PIK3CD: variants seen among roughly 807,000 people sequenced by gnomAD.
PIK3CD encodes phosphatidylinositol 4,5-bisphosphate 3-kinase catalytic subunit delta isoform.
Under a neutral mutation model 122.9 loss-of-function variants are expected in PIK3CD, and 20 were observed. The ratio of observed to expected loss-of-function variants is 0.16; its 90% confidence interval spans 0.11 to 0.24. The LOEUF (loss-of-function observed/expected upper bound fraction) is 0.24. PIK3CD is among the 10% of genes least tolerant of loss of function. The probability of loss-of-function intolerance (pLI) is 1.00; values close to 1 mark genes in which losing one functional copy is unlikely to be tolerated. For missense variants in PIK3CD, 787 were observed against 1,406.3 expected, an observed-to-expected ratio of 0.56 and a Z score of 7.04; for synonymous variants, 596 against 593.4, an observed-to-expected ratio of 1.00 and a Z score of -0.06.
At chr1:9,656,941 T>C (rs375139102) in intron 1 of PIK3CD, among the ~76,000 whole-genome samples, 32 of 38,278 alleles carry the variant, frequency 8.4e-4, no homozygotes, top group African/African-American at 2.8e-3. Flanking sequence ...AGACTCCATC[T>C]CAAAAAAAAA....
In PIK3CD at chr1:9,718,498, A is replaced by T. The variant is rs1295082056; in HGVS notation, c.1021-196A>T. Among the ~76,000 whole-genome samples the T allele has an allele frequency of 2.0e-5, 3 of 152,060 alleles. No homozygotes were observed. The highest frequency in any genetic ancestry group is 7.2e-5 in the African/African-American group (3 of 41,400). On this transcript the variant is annotated intron_variant, in intron 8 of 23. Coordinates refer to ENST00000377346, the MANE Select transcript of PIK3CD (RefSeq NM_005026.5). The surrounding 1 kb of genome is among the most constrained non-coding windows in gnomAD (Gnocchi z 7.2). ...TAGCTGAGACAGGGCACCCATGCAC[A>T]GCCCGTGGTACCCTCCCTCACCCCA...
At chr1:9,633,063 A>G in the PIK3CD span, among the ~76,000 whole-genome samples, 2 of 151,828 alleles carry the variant, frequency 1.3e-5, no homozygotes, top group Non-Finnish European at 2.9e-5. Flanking sequence ...AGGTTTCACC[A>G]TGTTAGCCAG....
Position 9,723,331 on chromosome 1 carries a change from C to A in PIK3CD, c.2594+39C>A. 6.2e-7 allele frequency: 1 copy of A among 1,607,878 alleles called. No individual in the cohort carries two copies. The highest frequency in any genetic ancestry group is 1.1e-5 in the South Asian group (1 of 90,938). On this transcript the variant is annotated intron_variant, in intron 20 of 23. Coordinates refer to ENST00000377346, the MANE Select transcript of PIK3CD (RefSeq NM_005026.5). The surrounding 1 kb of genome is among the most constrained non-coding windows in gnomAD (Gnocchi z 4.9). ...CCAGGGATAGGTTCCCTCTCCTTTC[C>A]AAGAGGTGTGGAGTGGGAGGGCCTC...
chr1:9,720,437 C>A lies in PIK3CD; in HGVS notation c.1471-174C>A. On this transcript the variant is annotated intron_variant, in intron 11 of 23. Coordinates refer to ENST00000377346, the MANE Select transcript of PIK3CD (RefSeq NM_005026.5). The surrounding 1 kb of genome is among the most constrained non-coding windows in gnomAD (Gnocchi z 9.0). ...ATGACATTTTCGGTTGTCACAGCTG[C>A]CAGGAGGGATGCTCTTGGCATCTCG... 1 of 1,419,028 alleles carries A rather than the reference C, an allele frequency of 7.0e-7. No individual in the cohort carries two copies. The highest frequency in any genetic ancestry group is 9.5e-7 in the Non-Finnish European group (1 of 1,056,512). 87.9% of individuals were successfully genotyped at this position (1,419,028 alleles called of 1,614,324 possible).
At chr1:9,714,641 C>T (rs1177762057) in intron 3 of PIK3CD, among the ~76,000 whole-genome samples, 1 of 152,152 alleles carries the variant, frequency 6.6e-6, no homozygotes, top group Non-Finnish European at 1.5e-5. Flanking sequence ...CCTAGACTGT[C>T]ACAGCTTGGC....
intron 1 of PIK3CD, among the ~76,000 whole-genome samples, chr1:9,671,252 A>G (rs1645316648): frequency 1.3e-5 from 2 of 152,066 alleles, no homozygotes; most frequent in East Asian, 1.9e-4. Context: ...GGTTCATGCC[A>G]TCACACCCCG....
In PIK3CD at chr1:9,689,513, C is replaced by T. The variant is rs1646109733; in HGVS notation, c.-137-1954C>T. On this transcript the variant is annotated intron_variant, in intron 1 of 23. Coordinates refer to ENST00000377346, the MANE Select transcript of PIK3CD (RefSeq NM_005026.5). This position sits in a 1 kb window ranked among gnomAD's most constrained non-coding sequence, Gnocchi z 6.1. ...CCCAGCCGGCGCCCCGCCCCGCCTG[C>T]CAGTAGTCCCAGCCCCGCCCCGGGC... Among the ~76,000 whole-genome samples, 1 of 146,094 alleles carries T rather than the reference C, an allele frequency of 6.8e-6. No individual in the cohort carries two copies. Among genetic ancestry groups the T allele is most frequent in the African/African-American group, 2.5e-5 (1 of 40,502 alleles).
intron 1 of PIK3CD, among the ~76,000 whole-genome samples, chr1:9,679,516 G>A (rs947360363): frequency 2.0e-5 from 3 of 151,472 alleles, no homozygotes; most frequent in East Asian, 1.9e-4. Flanking sequence ...CACCCACATC[G>A]CCTGTTTACC....
rs1435533097 is a variant in PIK3CD at position 9,717,526 on chromosome 1, C to T, written c.931-11C>T. On this transcript the variant is annotated splice_polypyrimidine_tract_variant and intron_variant, in intron 7 of 23. Transcript: ENST00000377346. The surrounding 1 kb of genome is among the most constrained non-coding windows in gnomAD (Gnocchi z 5.4). ...GAGCCGTGTTAACAGCCCTGCTTCC[C>T]CGGCCCCCAGCCTTCCTCTGTGTCC... The T allele has an allele frequency of 5.0e-6, 8 of 1,613,640 alleles. No homozygotes were observed. The highest frequency in any genetic ancestry group is 6.8e-6 in the Non-Finnish European group (8 of 1,179,680).
chr1:9,722,151 C>A lies in PIK3CD; in HGVS notation c.2232C>A (p.Val744=), dbSNP rs749000842. 5.6e-6 allele frequency: 9 copies of A among 1,611,390 alleles called. No homozygotes were observed. The highest frequency in any genetic ancestry group is 7.6e-6 in the Non-Finnish European group (9 of 1,179,090). The change falls in exon 17 of 24, where the codon GTC becomes GTA. Residue 744 remains valine, a splice_region_variant and synonymous_variant. Coordinates refer to ENST00000377346, the MANE Select transcript of PIK3CD (RefSeq NM_005026.5). The surrounding 1 kb of genome is among the most constrained non-coding windows in gnomAD (Gnocchi z 7.6). The stretch of plus-strand genomic sequence containing the variant: ...ACCCCAGCACCCTGCTGGCTGAAGT[C>A]TGGTGAGCCCAAGCCCCGCCACAAG... The part of the protein sequence containing the change: ...PLDPSTLLAE[V]CVEQCTFMDS...
At chr1:9,684,536 CAAAAAAAAAAA>C (rs887585173) in intron 1 of PIK3CD, among the ~76,000 whole-genome samples, 2 of 67,310 alleles carry the variant, frequency 3.0e-5, no homozygotes, top group East Asian at 8.1e-4. Flanking sequence ...GACTCCGTCT[CAAAAAAAAAAA>C]AAAAAGAAAA....
intron 1 of PIK3CD, among the ~76,000 whole-genome samples, chr1:9,661,237 G>A (rs889387408): frequency 1.1e-4 from 16 of 151,830 alleles, no homozygotes; most frequent in Non-Finnish European, 1.9e-4. Context: ...GCCCGGCCAC[G>A]CCCAGCTAAT....
At chr1:9,634,034 G>A in the PIK3CD span, among the ~76,000 whole-genome samples, 6 of 151,528 alleles carry the variant, frequency 4.0e-5, no homozygotes, top group Non-Finnish European at 8.8e-5. Flanking sequence ...GTGCAGTGGC[G>A]TGATCTCGGC....
At chr1:9,721,330 T>C (rs1361737458) in intron 14 of PIK3CD, 82 bp downstream of exon 14, 2 of 1,609,678 alleles carry the variant, frequency 1.2e-6, no homozygotes, top group African/African-American at 2.7e-5. Context: ...GGGTGGGGCC[T>C]GAACCTTCCC....
At position 9,699,340 on chromosome 1, in the gene PIK3CD, A is replaced by T. The variant is rs535634355; in HGVS notation, c.-33+7769A>T. On this transcript the variant is annotated intron_variant, in intron 2 of 23. Coordinates refer to ENST00000377346, the MANE Select transcript of PIK3CD (RefSeq NM_005026.5). ...GTACATGTCCTGCACACGTCTCCTC[A>T]TTGCTTTCCTACTTCCATTCTGGCC... Among the ~76,000 whole-genome samples, 17 of 152,166 alleles carry T rather than the reference A, an allele frequency of 1.1e-4. No homozygotes were observed. In the East Asian group the frequency reaches 2.9e-3, roughly 26 times the overall value.
At chr1:9,697,876 C>T (rs1646480989) in intron 2 of PIK3CD, among the ~76,000 whole-genome samples, 1 of 149,440 alleles carries the variant, frequency 6.7e-6, no homozygotes, top group Non-Finnish European at 1.5e-5. Flanking sequence ...ATTAAAAATG[C>T]AAAGGAGTAT....
rs76910249 is a variant in PIK3CD, at chr1:9,673,538, G to A, written c.-137-17929G>A. ...GGCGTCCTAAAGTGCTGGGATTACAGGCATGAGCCACCATGCCTGGCCTTG... is the reference window on the plus strand; with the variant it reads ...GGCGTCCTAAAGTGCTGGGATTACAAGCATGAGCCACCATGCCTGGCCTTG... On this transcript the variant is annotated intron_variant, in intron 1 of 23. Coordinates refer to ENST00000377346, the MANE Select transcript of PIK3CD (RefSeq NM_005026.5). 7.2e-3 allele frequency among the ~76,000 whole-genome samples: 1,093 copies of A among 152,190 alleles called. 8 individuals carry two copies. The highest frequency in any genetic ancestry group is 0.01 in the Non-Finnish European group (682 of 68,004).
At chr1:9,687,785 CATCTGCATGCGTGTCT>C (rs1324108467) in intron 1 of PIK3CD, among the ~76,000 whole-genome samples, 1 of 152,210 alleles carries the variant, frequency 6.6e-6, no homozygotes, top group Non-Finnish European at 1.5e-5. Context: ...TGTGTGTGCG[CATCTGCATGCGTGTCT>C]TTTTGAGTGA....
chr1:9,658,856 C>A (rs1384931283), intron 1 of PIK3CD, among the ~76,000 whole-genome samples: 5 of 152,078 alleles, frequency 3.3e-5, no homozygotes, highest in Non-Finnish European at 7.4e-5. Flanking sequence ...GTCACTTAAC[C>A]CATCAGAACC....
Sources: gnomAD v4.1 joint callset for allele counts (sites outside exome capture counted in the v4.1 genomes callset) on GRCh38, gnomAD v4.1.1 for gene constraint, Gnocchi (gnomAD v3.1) non-coding constraint, MANE v1.5 for transcripts, NCBI Gene and HGNC (gene_info 2026-07-23, HGNC 2026-07-21) for gene names.